The following LPIN1 variants were observed in gnomAD, a reference collection of about 807,000 sequenced individuals.
LPIN1 encodes the protein phosphatidate phosphatase LPIN1.
A neutral mutation model predicts 107.5 loss-of-function variants in LPIN1; 71 were observed. That is an observed-to-expected ratio of 0.66 (90% CI 0.55 to 0.80). The LOEUF is 0.80. LPIN1 is among the 30% of genes least tolerant of loss of function. LPIN1 has a pLI of 0.00. For synonymous variants in LPIN1, 445 were observed against 452.6 expected, an observed-to-expected ratio of 0.98 and a Z score of 0.21; for missense variants, 1,043 against 1,160.6, an observed-to-expected ratio of 0.90 and a Z score of 1.47.
intron 1 of LPIN1, among the ~76,000 whole-genome samples, chr2:11,737,617 C>T (rs1665918747): frequency 6.6e-6 from 1 of 152,094 alleles, no homozygotes; most frequent in Non-Finnish European, 1.5e-5. Flanking sequence ...TTTATGTGGC[C>T]AACAAATGTA....
In LPIN1 at chr2:11,765,701, A is replaced by T; in HGVS notation, c.160A>T (p.Lys54Ter). 6.2e-7 allele frequency: 1 copy of T among 1,612,600 alleles called. No individual in the cohort carries two copies. The highest frequency in any genetic ancestry group is 2.2e-5 in the East Asian group (1 of 44,828). ...CTCCCCTTTCCACGTCCGCTTTGGG[A>T]AGATGGGGGTCCTGCGCTCCCGAGA... ...QCSPFHVRFG[K>*]MGVLRSREKV... The change falls in exon 2 of 21, where the codon AAG becomes TAG. Residue 54 changes from lysine (K) to a stop codon, truncating the protein, a stop_gained. Transcript: ENST00000674199. LOFTEE classifies it high-confidence loss of function. The surrounding 1 kb of genome is among the most constrained non-coding windows in gnomAD (Gnocchi z 4.4).
chr2:11,814,480 G>T (rs1680217380), intron 17 of LPIN1, among the ~76,000 whole-genome samples: 1 of 151,684 alleles, frequency 6.6e-6, no homozygotes, highest in Non-Finnish European at 1.5e-5. Flanking sequence ...ATCTTAGCCA[G>T]AGAGAGACTA....
chr2:11,789,422 ATG>A (rs1675259587), intron 12 of LPIN1, among the ~76,000 whole-genome samples: 1 of 150,862 alleles, frequency 6.6e-6, no homozygotes, highest in Non-Finnish European at 1.5e-5. Context: ...TGTGTGCCTT[ATG>A]TGTGTGCGTG....
At chr2:11,731,943 T>G (rs190078923) in intron 1 of LPIN1, among the ~76,000 whole-genome samples, 1 of 152,302 alleles carries the variant, frequency 6.6e-6, no homozygotes, top group African/African-American at 2.4e-5. Flanking sequence ...GCTTGTAAAT[T>G]TGTTTAAGTT....
At chr2:11,701,454 C>T (rs79770122) in intron 1 of LPIN1, among the ~76,000 whole-genome samples, 1,721 of 152,268 alleles carry the variant, frequency 0.011, 7 homozygotes, top group Middle Eastern at 0.031. Context: ...TGCTCTGAAC[C>T]GTGACAAACA....
chr2:11,741,802 T>C (rs1666392340), upstream of LPIN1, among the ~76,000 whole-genome samples: 1 of 151,442 alleles, frequency 6.6e-6, no homozygotes, highest in Admixed American at 6.6e-5. Flanking sequence ...AGAGTGAGAC[T>C]CCATCTCAAA....
chr2:11,799,847 G>C (rs1324909832), intron 14 of LPIN1, among the ~76,000 whole-genome samples: 1 of 152,096 alleles, frequency 6.6e-6, no homozygotes, highest in Non-Finnish European at 1.5e-5. Flanking sequence ...AGGTAATGTA[G>C]CCCGAAGTTA....
At chr2:11,794,583 G>A (rs935973581) in intron 13 of LPIN1, among the ~76,000 whole-genome samples, 1 of 152,154 alleles carries the variant, frequency 6.6e-6, no homozygotes, top group African/African-American at 2.4e-5. Context: ...TATATAGTTT[G>A]TATTGTTCAT....
Position 11,767,705 on chromosome 2 carries a change from A to C in LPIN1, c.193-58A>C, listed in dbSNP as rs574618085. The C allele has an allele frequency of 3.6e-5, 39 of 1,079,952 alleles. 1 individual carries two copies. The Middle Eastern group carries it at 1.4e-3, about 38-fold the overall frequency. 66.9% of individuals were successfully genotyped at this position (1,079,952 alleles called of 1,614,324 possible). A position where few individuals can be genotyped will look rare whatever the true frequency, so the allele number is the denominator to read the frequency against. On this transcript the variant is annotated intron_variant, in intron 2 of 20. Transcript: ENST00000674199. ...CTGTGGAGACTTGGCCGTCCCCATGAGGTCTCCTGTCCTGGTGAAGGCAGT... is the reference window on the plus strand; with the variant it reads ...CTGTGGAGACTTGGCCGTCCCCATGCGGTCTCCTGTCCTGGTGAAGGCAGT...
At chr2:11,784,317 A>G (rs1674100415) in intron 9 of LPIN1, 10 of 742,548 alleles carry the variant, frequency 1.3e-5, no homozygotes, top group Non-Finnish European at 8.6e-6. Context: ...AAAAAAAAAA[A>G]AAAAAAAGTG....
intron 1 of LPIN1, among the ~76,000 whole-genome samples, chr2:11,740,684 G>GAAAAAAAAAAAA (rs56188204): frequency 2.5e-5 from 2 of 81,552 alleles, no homozygotes; most frequent in African/African-American, 4.2e-5. Context: ...GCTCTATCTC[G>GAAAAAAAAAAAA]AAAAAAAAAA....
chr2:11,746,348 C>T (rs1475021596), upstream of LPIN1, among the ~76,000 whole-genome samples: 1 of 152,184 alleles, frequency 6.6e-6, no homozygotes, highest in Non-Finnish European at 1.5e-5. Flanking sequence ...CCTCACTCCC[C>T]CAGTCATCGG....
At chr2:11,788,556 T>C in intron 12 of LPIN1, 100 bp downstream of exon 12, 1 of 903,790 alleles carries the variant, frequency 1.1e-6, no homozygotes, top group Non-Finnish European at 1.8e-6. Flanking sequence ...ACTACAGAGT[T>C]AATTCCACTG....
chr2:11,762,696 A>G (rs1187647893), intron 1 of LPIN1, among the ~76,000 whole-genome samples: 3 of 152,238 alleles, frequency 2.0e-5, no homozygotes, highest in Non-Finnish European at 4.4e-5. Context: ...CTTAGAAATT[A>G]TAAGGGGTTT....
At chr2:11,680,725 G>T (rs1378383674) in intron 1 of LPIN1, among the ~76,000 whole-genome samples, 5 of 152,216 alleles carry the variant, frequency 3.3e-5, no homozygotes, top group Non-Finnish European at 7.3e-5. Flanking sequence ...TGCAGGGGTT[G>T]TTCCTTGGGG....
intron 1 of LPIN1, among the ~76,000 whole-genome samples, chr2:11,679,243 C>T (rs1387134123): frequency 2.0e-5 from 3 of 152,176 alleles, no homozygotes; most frequent in African/African-American, 7.2e-5. Context: ...TTTTGCACAG[C>T]ACCTTGGGAG....
intron 17 of LPIN1, among the ~76,000 whole-genome samples, chr2:11,812,186 A>G (rs1282501688): frequency 6.6e-6 from 1 of 152,216 alleles, no homozygotes; most frequent in Non-Finnish European, 1.5e-5. Context: ...TATGTTGGAT[A>G]GGAAGTGGGT....
At chr2:11,818,173 G>C (rs573509132) in intron 18 of LPIN1, 22 of 152,274 alleles carry the variant, frequency 1.4e-4, no homozygotes, top group African/African-American at 5.1e-4. Flanking sequence ...GCTCGTTTTC[G>C]TAGCTTCTAG....
At chr2:11,761,498 G>A (rs971749091) in intron 1 of LPIN1, among the ~76,000 whole-genome samples, 1 of 152,226 alleles carries the variant, frequency 6.6e-6, no homozygotes, top group Non-Finnish European at 1.5e-5. Context: ...TTGTTTCCTC[G>A]GTTGAGAGAG....
Sources: gnomAD v4.1 joint callset for allele counts (sites outside exome capture counted in the v4.1 genomes callset) on GRCh38, gnomAD v4.1.1 for gene constraint, Gnocchi (gnomAD v3.1) non-coding constraint, MANE v1.5 for transcripts, NCBI Gene and HGNC (gene_info 2026-07-23, HGNC 2026-07-21) for gene names.